The following DIDO1 variants were observed in gnomAD, a reference collection of about 807,000 sequenced individuals.
DIDO1 encodes death inducer-obliterator 1.
A neutral mutation model predicts 99.4 loss-of-function variants in DIDO1; 16 were observed. The observed-to-expected ratio is 0.16, with a 90% confidence interval of 0.11 to 0.24. The LOEUF (loss-of-function observed/expected upper bound fraction) is 0.24, where lower values mean the gene tolerates loss of function less well. Ranked by LOEUF, DIDO1 falls within the 10% of genes least tolerant of loss-of-function variation. The pLI, the probability that DIDO1 is intolerant of heterozygous loss-of-function variation, is 1.00. For synonymous variants in DIDO1, 1,366 were observed against 1,239.1 expected (o/e 1.10, Z -2.15); for missense variants, 2,996 against 3,014.0 (o/e 0.99, Z 0.14).
intron 1 of DIDO1, among the ~76,000 whole-genome samples, chr20:62,914,664 G>A (rs1413810708): frequency 2.0e-5 from 3 of 152,148 alleles, no homozygotes; most frequent in Non-Finnish European, 4.4e-5. Context: ...GCTTGCCCCA[G>A]GGAGGCAGGC....
chr20:62,932,182 A>G (rs1041394168), intron 1 of DIDO1, among the ~76,000 whole-genome samples: 4 of 152,316 alleles, frequency 2.6e-5, no homozygotes, highest in African/African-American at 9.6e-5. Flanking sequence ...TTTCATTCCA[A>G]TAGGAAAGTA....
rs745708680 is a variant in DIDO1 at position 62,911,877 on chromosome 20, T to TG, written c.-2-264dup. Among the ~76,000 whole-genome samples the TG allele has an allele frequency of 6.6e-6, 1 of 152,254 alleles. No homozygotes were observed. The highest frequency in any genetic ancestry group is 1.5e-5 in the Non-Finnish European group (1 of 68,040). On this transcript the variant is annotated intron_variant, in intron 2 of 15. Coordinates refer to ENST00000395343, the MANE Select transcript of DIDO1 (RefSeq NM_001193369.2). This position sits in a 1 kb window ranked among gnomAD's most constrained non-coding sequence, Gnocchi z 7.0. ...CAAATGTACAATTTCATCATTTAACTGCTCAGGACAAGGCTTCACAAGCCA... is the reference window on the plus strand; with the variant it reads ...CAAATGTACAATTTCATCATTTAACTGGCTCAGGACAAGGCTTCACAAGCCA...
At chr20:62,933,280 C>G (rs1376844589) in intron 1 of DIDO1, among the ~76,000 whole-genome samples, 1 of 152,194 alleles carries the variant, frequency 6.6e-6, no homozygotes, top group African/African-American at 2.4e-5. Flanking sequence ...TTACCTCTTT[C>G]CAACATCTCT....
At chr20:62,885,652 T>C (rs1362715680) in intron 15 of DIDO1, among the ~76,000 whole-genome samples, 2 of 152,180 alleles carry the variant, frequency 1.3e-5, no homozygotes, top group Non-Finnish European at 1.5e-5. Context: ...GGGTGCTCGT[T>C]CTGAATTTCC....
At chr20:62,884,403 G>A (rs937460512) in intron 15 of DIDO1, among the ~76,000 whole-genome samples, 11 of 152,156 alleles carry the variant, frequency 7.2e-5, no homozygotes, top group African/African-American at 1.9e-4. Context: ...CGGCAGCGAC[G>A]TAACACTATG....
intron 6 of DIDO1, among the ~76,000 whole-genome samples, chr20:62,900,492 G>A (rs2064644905): frequency 6.6e-6 from 1 of 152,200 alleles, no homozygotes; most frequent in Non-Finnish European, 1.5e-5. Flanking sequence ...GGAGGATGGT[G>A]CTACTCCGCT....
At chr20:62,929,456 C>A (rs1262396099), upstream of DIDO1, among the ~76,000 whole-genome samples, 1 of 152,058 alleles carries the variant, frequency 6.6e-6, no homozygotes, top group Admixed American at 6.5e-5. Flanking sequence ...TGGAGGCCTG[C>A]AGGGATGCAC....
Position 62,907,250 on chromosome 20 carries a change from G to A in DIDO1, c.1271C>T (p.Ala424Val), listed in dbSNP as rs1373962689. ...SNDCILKHAA[A>V]TMKFLSSGKE... ...ACCTGAGCTTAGAAACTTCATTGTC[G>A]CTGCGGCGTGTTTGAGGATACAGTC... The change falls in exon 5 of 16, where the codon GCG becomes GTG. Residue 424 changes from alanine to valine, a missense_variant. Transcript: ENST00000395343. 3.1e-6 allele frequency: 5 copies of A among 1,614,060 alleles called. No individual in the cohort carries two copies. Among genetic ancestry groups the A allele is most frequent in the Non-Finnish European group, 3.4e-6 (4 of 1,180,040 alleles).
At chr20:62,932,511 A>G (rs2065341996) in intron 1 of DIDO1, among the ~76,000 whole-genome samples, 2 of 152,248 alleles carry the variant, frequency 1.3e-5, no homozygotes, top group South Asian at 4.1e-4. Context: ...AGCCAGGTTC[A>G]AACTACATAA....
intron 15 of DIDO1, chr20:62,888,310 C>T: frequency 1.0e-6 from 1 of 985,550 alleles, no homozygotes; most frequent in Non-Finnish European, 1.2e-6. Context: ...CTACCCCCAA[C>T]AGGACCTTCT....
chr20:62,924,910 C>CA (rs2065224297), intron 1 of DIDO1, among the ~76,000 whole-genome samples: 1 of 152,126 alleles, frequency 6.6e-6, no homozygotes, highest in Non-Finnish European at 1.5e-5. Flanking sequence ...CGCGCTTTTC[C>CA]AAAACAAGAG....
chr20:62,934,171 A>G (rs2065359283), intron 1 of DIDO1, among the ~76,000 whole-genome samples: 1 of 150,998 alleles, frequency 6.6e-6, no homozygotes, highest in Non-Finnish European at 1.5e-5. Context: ...GGACCCACCT[A>G]CCTCTTTCCT....
At chr20:62,884,107 A>G (rs1191641435) in intron 15 of DIDO1, among the ~76,000 whole-genome samples, 1 of 152,190 alleles carries the variant, frequency 6.6e-6, no homozygotes, top group East Asian at 1.9e-4. Flanking sequence ...GACAGACACC[A>G]CGCTCACGTA....
chr20:62,904,509 G>T (rs1019162989), intron 6 of DIDO1, among the ~76,000 whole-genome samples: 3 of 152,138 alleles, frequency 2.0e-5, no homozygotes, highest in Admixed American at 1.3e-4. Flanking sequence ...GCCAAGCGCT[G>T]TGGCTCACAT....
intron 6 of DIDO1, among the ~76,000 whole-genome samples, chr20:62,900,091 G>A (rs764104627): frequency 3.9e-5 from 6 of 152,166 alleles, no homozygotes; most frequent in Admixed American, 6.5e-5. Context: ...GTCAGGGTAC[G>A]AGCCTCCCCT....
chr20:62,912,609 T>C (rs1271553302), intron 2 of DIDO1, among the ~76,000 whole-genome samples: 1 of 152,196 alleles, frequency 6.6e-6, no homozygotes, highest in Non-Finnish European at 1.5e-5. Context: ...AAAAAGACAG[T>C]AGATACTTTG....
At chr20:62,925,177 A>G (rs1601039785) in intron 1 of DIDO1, among the ~76,000 whole-genome samples, 1 of 152,334 alleles carries the variant, frequency 6.6e-6, no homozygotes, top group South Asian at 2.1e-4. Flanking sequence ...GCAACACCTG[A>G]TTTAAAGGAA....
Position 62,909,906 on chromosome 20 carries a change from G to C in DIDO1, c.954C>G (p.Asn318Lys). The change falls in exon 4 of 16, where the codon AAC (asparagine) becomes AAG (lysine). Residue 318 changes from asparagine (N) to lysine (K), a missense_variant. Physicochemically the swap from Asn to Lys is moderately conservative, Grantham distance 94. Around this residue, in one of 5 missense-constraint regions of DIDO1, gnomAD observed 898 missense variants for 972.7 expected, o/e 0.92. Transcript: ENST00000395343. ...ERNGEDYICP[N>K]CTILQVQDET... ...CATCCTGCACTTGCAGAATGGTGCA[G>C]TTTGGGCAGATATAGTCTTCCCCAT... 1 of 1,614,190 alleles carries C rather than the reference G, an allele frequency of 6.2e-7. No homozygotes were observed.
rs1470362150 is a variant in DIDO1 at position 62,898,333 on chromosome 20, A to G, written c.1589-1337T>C. Among the ~76,000 whole-genome samples, 3 of 152,184 alleles carry G rather than the reference A, an allele frequency of 2.0e-5. No individual in the cohort carries two copies. The East Asian group carries it at 5.8e-4, about 29-fold the overall frequency. On this transcript the variant is annotated intron_variant, in intron 6 of 15. Coordinates refer to ENST00000395343, the MANE Select transcript of DIDO1 (RefSeq NM_001193369.2). ...CGGGTGCCAGCCCTCCCCAGCAGCCAGTCCATCAAGCAGCAGCCTCAGGGC... is the reference window on the plus strand; with the variant it reads ...CGGGTGCCAGCCCTCCCCAGCAGCCGGTCCATCAAGCAGCAGCCTCAGGGC...
Sources: allele counts gnomAD v4.1 joint callset (sites outside exome capture counted in the v4.1 genomes callset), GRCh38; gene constraint gnomAD v4.1.1; regional missense constraint gnomAD v4.1.1; non-coding constraint Gnocchi (gnomAD v3.1); transcripts MANE v1.5; gene names NCBI Gene and HGNC (gene_info 2026-07-23, HGNC 2026-07-21).